CNTN5: variants seen among roughly 807,000 people sequenced by gnomAD.
CNTN5 encodes contactin-5.
In CNTN5, 77 loss-of-function variants were observed where a neutral mutation model predicts 129.1. The ratio of observed to expected loss-of-function variants is 0.60; its 90% CI spans 0.50 to 0.72. The LOEUF is 0.72. CNTN5 is among the 30% of genes least tolerant of loss of function. CNTN5 has a pLI of 0.00. For synonymous variants in CNTN5, 509 were observed against 465.6 expected, an observed-to-expected ratio of 1.09 and a Z score of -1.20; for missense variants, 1,478 against 1,328.8, an observed-to-expected ratio of 1.11 and a Z score of -1.75.
intron 2 of CNTN5, among the ~76,000 whole-genome samples, chr11:99,396,165 T>C (rs1941511784): frequency 8.3e-6 from 1 of 120,118 alleles, no homozygotes; most frequent in Admixed American, 9.5e-5. Context: ...TGACTCTTTC[T>C]ATCCATGATC....
At chr11:99,362,360 C>A (rs1939170261) in intron 2 of CNTN5, among the ~76,000 whole-genome samples, 1 of 151,846 alleles carries the variant, frequency 6.6e-6, no homozygotes, top group African/African-American at 2.4e-5. Flanking sequence ...GTTATAGGTT[C>A]TTTATATATT....
rs1952561341 is a variant in CNTN5 at position 100,357,919 on chromosome 11, C to T, written c.*1699C>T. 1 of 151,744 alleles carries T rather than the reference C, an allele frequency of 6.6e-6. No individual in the cohort carries two copies. Among genetic ancestry groups the T allele is most frequent in the Non-Finnish European group, 1.5e-5 (1 of 67,816 alleles). 9.4% of individuals were successfully genotyped at this position (151,744 alleles called of 1,614,324 possible). A position where few individuals can be genotyped will look rare whatever the true frequency, so the allele number is the denominator to read the frequency against. The stretch of plus-strand genomic sequence containing the variant: ...AACAAACAAGAAATTAGTTAAAAGA[C>T]TCACTCAATGATATTATAGTAAATA... On this transcript the variant is annotated 3_prime_UTR_variant, in exon 25 of 25. Coordinates refer to ENST00000524871, the MANE Select transcript of CNTN5 (RefSeq NM_014361.4).
intron 3 of CNTN5, among the ~76,000 whole-genome samples, chr11:99,609,674 C>G (rs1036214663): frequency 6.6e-6 from 1 of 152,040 alleles, no homozygotes; most frequent in Non-Finnish European, 1.5e-5. Flanking sequence ...CACTTAGGAA[C>G]TTTAGATTAT....
intron 1 of CNTN5, among the ~76,000 whole-genome samples, chr11:99,277,817 G>T (rs1189603122): frequency 6.6e-6 from 1 of 151,608 alleles, no homozygotes; most frequent in African/African-American, 2.4e-5. Context: ...AACTACGATA[G>T]ATAAAAAGCG....
intron 1 of CNTN5, among the ~76,000 whole-genome samples, chr11:99,224,274 C>T (rs949242562): frequency 2.0e-5 from 3 of 152,258 alleles, no homozygotes; most frequent in Admixed American, 6.5e-5. Flanking sequence ...GTTATACCAG[C>T]ATTATGCAAA....
chr11:99,583,892 G>A (rs2851598), intron 3 of CNTN5, among the ~76,000 whole-genome samples: 1 of 151,898 alleles, frequency 6.6e-6, no homozygotes, highest in African/African-American at 2.4e-5. Flanking sequence ...TGGAAATGCA[G>A]AAATCACCCA....
chr11:99,307,730 A>G (rs2135960829), intron 1 of CNTN5, among the ~76,000 whole-genome samples: 1 of 152,292 alleles, frequency 6.6e-6, no homozygotes, highest in Admixed American at 6.5e-5. Flanking sequence ...CATTGATTTT[A>G]AATGGGAGGC....
chr11:100,254,621 C>G (rs1950031379), intron 16 of CNTN5, among the ~76,000 whole-genome samples: 1 of 152,096 alleles, frequency 6.6e-6, no homozygotes, highest in African/African-American at 2.4e-5. Context: ...CTAAAAATGT[C>G]ATTTGCCCCA....
At chr11:100,288,597 A>C (rs989073620) in intron 18 of CNTN5, among the ~76,000 whole-genome samples, 2 of 152,006 alleles carry the variant, frequency 1.3e-5, no homozygotes, top group African/African-American at 4.8e-5. Flanking sequence ...TCTCTGGGAC[A>C]CATTCAAAGC....
intron 1 of CNTN5, among the ~76,000 whole-genome samples, chr11:99,115,475 C>G (rs1858001326): frequency 6.6e-6 from 1 of 152,080 alleles, no homozygotes; most frequent in Admixed American, 6.6e-5. Flanking sequence ...AGATAAAATA[C>G]TGGCCGGGTG....
intron 13 of CNTN5, among the ~76,000 whole-genome samples, chr11:100,149,849 G>C (rs1469694257): frequency 6.8e-6 from 1 of 146,198 alleles, no homozygotes; most frequent in Middle Eastern, 3.5e-3. Flanking sequence ...AGCCGAGCTT[G>C]TGCCACTGCA....
At chr11:99,504,529 CAAAAA>C (rs754621021) in intron 2 of CNTN5, among the ~76,000 whole-genome samples, 1 of 90,332 alleles carries the variant, frequency 1.1e-5, no homozygotes, top group Admixed American at 1.3e-4. Flanking sequence ...GACTCCGTCT[CAAAAA>C]AAAAAAAAAA....
At chr11:100,075,645 G>A (rs1358780401) in intron 13 of CNTN5, among the ~76,000 whole-genome samples, 1 of 152,126 alleles carries the variant, frequency 6.6e-6, no homozygotes. Context: ...ATTCTTCTTG[G>A]CCATTTTGTG....
At chr11:100,201,820 G>A (rs969456833) in intron 15 of CNTN5, among the ~76,000 whole-genome samples, 2 of 151,910 alleles carry the variant, frequency 1.3e-5, no homozygotes, top group Non-Finnish European at 2.9e-5. Flanking sequence ...AATATTGGGG[G>A]CTGACAGCTC....
At chr11:100,110,267 C>A (rs1945606636) in intron 13 of CNTN5, among the ~76,000 whole-genome samples, 1 of 51,794 alleles carries the variant, frequency 1.9e-5, no homozygotes, top group African/African-American at 1.8e-4. Flanking sequence ...TTCTAGAAAT[C>A]TAATAATGCC....
intron 3 of CNTN5, among the ~76,000 whole-genome samples, chr11:99,696,720 GT>G (rs986746916): frequency 2.0e-5 from 3 of 151,558 alleles, no homozygotes; most frequent in Non-Finnish European, 4.4e-5. Context: ...ACAGTTCCAT[GT>G]TTTTATAAAT....
intron 1 of CNTN5, among the ~76,000 whole-genome samples, chr11:99,279,549 G>T (rs1040578538): frequency 1.3e-5 from 2 of 151,756 alleles, no homozygotes; most frequent in African/African-American, 4.8e-5. Flanking sequence ...GGACATGCTT[G>T]ACATTTGCAA....
chr11:99,128,114 A>G (rs12269798), intron 1 of CNTN5, among the ~76,000 whole-genome samples: 91,993 of 152,062 alleles, frequency 0.6, 28,335 homozygotes, highest in African/African-American at 0.73. Context: ...TGGAAAAGGG[A>G]CTGAAGCCAG....
chr11:99,189,038 G>T (rs1462360539), intron 1 of CNTN5, among the ~76,000 whole-genome samples: 1 of 151,422 alleles, frequency 6.6e-6, no homozygotes, highest in African/African-American at 2.4e-5. Flanking sequence ...CTCTCCTTCT[G>T]TGATTTTTGA....
Sources: gnomAD v4.1 joint callset for allele counts (sites outside exome capture counted in the v4.1 genomes callset) on GRCh38, gnomAD v4.1.1 for gene constraint, MANE v1.5 for transcripts, NCBI Gene and HGNC (gene_info 2026-07-23, HGNC 2026-07-21) for gene names.